GALNT13: variants seen among roughly 807,000 people sequenced by gnomAD.
The protein encoded by GALNT13 is UDP-GalNAc:polypeptide N-acetylgalactosaminyltransferase 13.
In GALNT13, 28 loss-of-function variants were observed where a neutral mutation model predicts 64.2. That is an observed-to-expected ratio of 0.44 (90% confidence interval 0.32 to 0.60). The LOEUF (loss-of-function observed/expected upper bound fraction) is 0.60, where lower values mean the gene tolerates loss of function less well. Among genes scored for constraint, GALNT13 ranks in the 20% least tolerant of loss-of-function variants. GALNT13 has a pLI of 0.05. For missense variants in GALNT13, 577 were observed against 669.8 expected (o/e 0.86, Z 1.53); for synonymous variants, 214 against 224.6 (o/e 0.95, Z 0.42).
chr2:153,220,293 A>G, the GALNT13 span, among the ~76,000 whole-genome samples: 1 of 152,222 alleles, frequency 6.6e-6, no homozygotes, highest in Non-Finnish European at 1.5e-5. Context: ...ATAATTGGTC[A>G]CAGCCAAGGC....
At chr2:153,238,458 T>G in the GALNT13 span, among the ~76,000 whole-genome samples, 1 of 152,104 alleles carries the variant, frequency 6.6e-6, no homozygotes, top group Non-Finnish European at 1.5e-5. Context: ...AGTTTTACAG[T>G]TTGATGTCTT....
At chr2:153,456,515 C>A in the GALNT13 span, among the ~76,000 whole-genome samples, 1 of 152,108 alleles carries the variant, frequency 6.6e-6, no homozygotes, top group African/African-American at 2.4e-5. Flanking sequence ...CTTGAAGTGG[C>A]TTCCTGAGAA....
At chr2:153,363,990 T>C in the GALNT13 span, among the ~76,000 whole-genome samples, 1 of 152,066 alleles carries the variant, frequency 6.6e-6, no homozygotes, top group Non-Finnish European at 1.5e-5. Context: ...AAATCCTCAA[T>C]AAAATACTAG....
chr2:153,537,182 G>A, the GALNT13 span, among the ~76,000 whole-genome samples: 1 of 152,222 alleles, frequency 6.6e-6, no homozygotes, highest in Non-Finnish European at 1.5e-5. Context: ...AAACATGAGA[G>A]AGAGATATGA....
At chr2:153,243,062 T>C in the GALNT13 span, among the ~76,000 whole-genome samples, 1 of 152,282 alleles carries the variant, frequency 6.6e-6, no homozygotes, top group East Asian at 1.9e-4. Flanking sequence ...GTTGTGGAGG[T>C]ATATTTGACT....
At chr2:153,549,207 A>G in the GALNT13 span, among the ~76,000 whole-genome samples, 2 of 152,202 alleles carry the variant, frequency 1.3e-5, no homozygotes, top group African/African-American at 4.8e-5. Context: ...AATCACGTGA[A>G]CATACTAAAA....
At chr2:153,449,269 G>A in the GALNT13 span, among the ~76,000 whole-genome samples, 4 of 152,100 alleles carry the variant, frequency 2.6e-5, no homozygotes, top group African/African-American at 7.2e-5. Context: ...AGCCCAAACC[G>A]AATACCAGAA....
At chr2:153,707,597 G>C in the GALNT13 span, among the ~76,000 whole-genome samples, 567 of 152,254 alleles carry the variant, frequency 3.7e-3, 2 homozygotes, top group Non-Finnish European at 6.1e-3. Context: ...CTCCACTGCT[G>C]TACTGCCTTG....
the GALNT13 span, among the ~76,000 whole-genome samples, chr2:153,764,689 A>G: frequency 6.6e-6 from 1 of 152,220 alleles, no homozygotes; most frequent in Non-Finnish European, 1.5e-5. Context: ...CACCATGACA[A>G]TGGGGAAAAT....
the GALNT13 span, among the ~76,000 whole-genome samples, chr2:153,497,541 T>A: frequency 1.6e-3 from 201 of 126,572 alleles, 3 homozygotes; most frequent in Middle Eastern, 7.5e-3. Flanking sequence ...TTTTTTTTTT[T>A]TTTTTTTTTT....
chr2:154,033,249 A>T (rs1698454587), intron 3 of GALNT13, among the ~76,000 whole-genome samples: 1 of 152,016 alleles, frequency 6.6e-6, no homozygotes, highest in Non-Finnish European at 1.5e-5. Context: ...AATATTTGTA[A>T]CTTGGAGTTC....
At chr2:153,856,557 T>A in the GALNT13 span, among the ~76,000 whole-genome samples, 469 of 152,106 alleles carry the variant, frequency 3.1e-3, 1 homozygote, top group Non-Finnish European at 5.1e-3. Context: ...GTCAGGAAAA[T>A]GCAAATTGAA....
the GALNT13 span, among the ~76,000 whole-genome samples, chr2:153,263,660 G>A: frequency 6.6e-6 from 1 of 152,080 alleles, no homozygotes; most frequent in Non-Finnish European, 1.5e-5. Flanking sequence ...ACAATAATCT[G>A]CTCTTTGATG....
upstream of GALNT13, among the ~76,000 whole-genome samples, chr2:153,870,583 T>A (rs1342292627): frequency 6.6e-6 from 1 of 151,912 alleles, no homozygotes; most frequent in African/African-American, 2.4e-5. Flanking sequence ...AAATGCTCCA[T>A]AATTGACGGT....
the GALNT13 span, among the ~76,000 whole-genome samples, chr2:153,194,798 A>C: frequency 6.9e-6 from 1 of 144,762 alleles, no homozygotes; most frequent in Non-Finnish European, 1.5e-5. Context: ...CTTTGATTCC[A>C]GTTGCACACA....
At chr2:153,449,200 C>A in the GALNT13 span, among the ~76,000 whole-genome samples, 1 of 152,114 alleles carries the variant, frequency 6.6e-6, no homozygotes, top group East Asian at 1.9e-4. Context: ...GCCCCTAGAA[C>A]TGTAAGAAAA....
the GALNT13 span, among the ~76,000 whole-genome samples, chr2:153,763,132 T>C: frequency 2.0e-5 from 3 of 152,158 alleles, no homozygotes; most frequent in South Asian, 6.2e-4. Flanking sequence ...GATGTATTTT[T>C]ATTAACTATC....
chr2:153,486,249 A>G, the GALNT13 span, among the ~76,000 whole-genome samples: 1 of 152,144 alleles, frequency 6.6e-6, no homozygotes, highest in Non-Finnish European at 1.5e-5. Context: ...CTTCCTTTTA[A>G]TGAAATTTGT....
intron 3 of GALNT13, among the ~76,000 whole-genome samples, chr2:154,002,568 T>G (rs1387419182): frequency 6.6e-6 from 1 of 152,162 alleles, no homozygotes; most frequent in Non-Finnish European, 1.5e-5. Flanking sequence ...TCTATACATA[T>G]TTTCTTGTGA....
Sources: gnomAD v4.1 joint callset for allele counts (sites outside exome capture counted in the v4.1 genomes callset) on GRCh38, gnomAD v4.1.1 for gene constraint, MANE v1.5 for transcripts, NCBI Gene and HGNC (gene_info 2026-07-23, HGNC 2026-07-21) for gene names.